Variants in HIVEP3 observed in about 807,000 individuals in gnomAD.
HIVEP3 encodes the protein transcription factor HIVEP3.
HIVEP3 carries 49 observed loss-of-function variants against 152.8 expected under a neutral mutation model. The observed-to-expected ratio is 0.32, with a 90% CI of 0.26 to 0.41. HIVEP3 has a LOEUF of 0.41. Ranked by LOEUF, HIVEP3 falls within the 10% of genes least tolerant of loss-of-function variation. The probability of loss-of-function intolerance (pLI) is 1.00; values close to 1 mark genes in which losing one functional copy is unlikely to be tolerated. For missense variants in HIVEP3, 2,790 were observed against 3,103.3 expected, an observed-to-expected ratio of 0.90 and a Z score of 2.40; for synonymous variants, 1,269 against 1,289.0, an observed-to-expected ratio of 0.98 and a Z score of 0.33.
chr1:41,526,842 C>G (rs1241531021), intron 5 of HIVEP3, among the ~76,000 whole-genome samples: 51 of 127,010 alleles, frequency 4.0e-4, no homozygotes, highest in Admixed American at 4.0e-3. Flanking sequence ...CACACCCGTT[C>G]ACACACTCAC....
At chr1:41,515,875 C>G (rs1002802777) in intron 7 of HIVEP3, among the ~76,000 whole-genome samples, 1 of 152,184 alleles carries the variant, frequency 6.6e-6, no homozygotes, top group African/African-American at 2.4e-5. Context: ...TCCCATGATA[C>G]CCTGTCCCCC....
intron 1 of HIVEP3, among the ~76,000 whole-genome samples, chr1:41,868,012 C>T (rs1218676808): frequency 6.6e-6 from 1 of 151,510 alleles, no homozygotes; most frequent in Non-Finnish European, 1.5e-5. Flanking sequence ...AAGCCACCCA[C>T]CATGGTCATC....
At chr1:41,640,778 C>T (rs1363436429) in intron 2 of HIVEP3, among the ~76,000 whole-genome samples, 1 of 152,214 alleles carries the variant, frequency 6.6e-6, no homozygotes, top group Admixed American at 6.5e-5. Flanking sequence ...CACAGTCATA[C>T]TAATGCTACG....
intron 1 of HIVEP3, among the ~76,000 whole-genome samples, chr1:41,851,154 ACTTTAC>A: frequency 6.6e-6 from 1 of 152,296 alleles, no homozygotes; most frequent in East Asian, 1.9e-4. Flanking sequence ...GAGGGCAGGA[ACTTTAC>A]CTTTCTGTCT....
chr1:41,976,786 T>G (rs1446208423), intron 1 of HIVEP3, among the ~76,000 whole-genome samples: 5 of 152,114 alleles, frequency 3.3e-5, no homozygotes, highest in African/African-American at 1.2e-4. Flanking sequence ...AGACACGCAC[T>G]CAGGGAGGAC....
At chr1:41,998,165 T>C (rs1049981281) in intron 1 of HIVEP3, among the ~76,000 whole-genome samples, 1 of 152,078 alleles carries the variant, frequency 6.6e-6, no homozygotes, top group Non-Finnish European at 1.5e-5. Flanking sequence ...AGGGGATAAA[T>C]ATAAGATTAA....
At chr1:41,884,812 C>A (rs1644318449) in intron 1 of HIVEP3, among the ~76,000 whole-genome samples, 2 of 151,700 alleles carry the variant, frequency 1.3e-5, no homozygotes, top group South Asian at 4.2e-4. Flanking sequence ...ACCCACCTGC[C>A]CCACTTGGCA....
chr1:41,859,550 A>T (rs955189305), intron 1 of HIVEP3, among the ~76,000 whole-genome samples: 2 of 152,206 alleles, frequency 1.3e-5, no homozygotes, highest in Non-Finnish European at 2.9e-5. Flanking sequence ...CTGGATTCAC[A>T]TCCTACCTCC....
In HIVEP3 at chr1:41,580,172, G is replaced by T; in HGVS notation, c.4626C>A (p.His1542Gln). The change falls in exon 4 of 9, where the codon CAC becomes CAA. Residue 1542 changes from histidine to glutamine, a missense_variant. Around this residue, in one of 9 missense-constraint regions of HIVEP3, gnomAD observed 1,078 missense variants for 1,165.3 expected, o/e 0.93. Coordinates refer to ENST00000372583, the MANE Select transcript of HIVEP3 (RefSeq NM_024503.5). ...KEYPQPSGKP[H>Q]RRGLTPLSVK... The stretch of plus-strand genomic sequence containing the variant: ...CGCTCAGTGGGGTCAACCCTCTTCG[G>T]TGAGGTTTGCCAGATGGCTGGGGAT... The T allele has an allele frequency of 6.2e-7, 1 of 1,612,904 alleles. No homozygotes were observed. The highest frequency in any genetic ancestry group is 1.1e-5 in the South Asian group (1 of 90,954).
chr1:41,599,729 T>C (rs1463787149), intron 3 of HIVEP3, among the ~76,000 whole-genome samples: 1 of 152,064 alleles, frequency 6.6e-6, no homozygotes. Flanking sequence ...AATAGATAAA[T>C]TGCCTACATC....
In HIVEP3 at chr1:41,583,388, G is replaced by T; in HGVS notation, c.1410C>A (p.Thr470=). ...TGGTGTCCACCACGGCCTCGTTGAT[G>T]GTGATGAGCTTCGTGATGTGCTCGA... is the stretch of plus-strand genomic sequence containing the variant. The part of the protein sequence containing the change: ...QVIEHITKLI[T]INEAVVDTSE... The change falls in exon 4 of 9, where the codon ACC becomes ACA. Residue 470 remains threonine, a synonymous_variant. Coordinates refer to ENST00000372583, the MANE Select transcript of HIVEP3 (RefSeq NM_024503.5). The surrounding 1 kb of genome is among the most constrained non-coding windows in gnomAD (Gnocchi z 6.9). 6.2e-7 allele frequency: 1 copy of T among 1,613,714 alleles called. No homozygotes were observed. Among genetic ancestry groups the T allele is most frequent in the South Asian group, 1.1e-5 (1 of 91,026 alleles).
chr1:41,709,067 G>C (rs1371075005), intron 1 of HIVEP3, among the ~76,000 whole-genome samples: 2 of 152,166 alleles, frequency 1.3e-5, no homozygotes, highest in Admixed American at 1.3e-4. Context: ...TTCCTCTTCT[G>C]CACCCCCTAC....
At chr1:41,787,335 T>A (rs1434066291) in intron 1 of HIVEP3, among the ~76,000 whole-genome samples, 1 of 152,132 alleles carries the variant, frequency 6.6e-6, no homozygotes, top group Non-Finnish European at 1.5e-5. Context: ...AGCTTTTAAA[T>A]GTAAATGTAA....
intron 2 of HIVEP3, among the ~76,000 whole-genome samples, chr1:41,639,406 C>T (rs901515295): frequency 2.0e-5 from 3 of 152,230 alleles, no homozygotes; most frequent in Non-Finnish European, 2.9e-5. Flanking sequence ...TCATCCATTA[C>T]TAGCTCACTT....
chr1:41,896,779 G>A (rs982428481), intron 1 of HIVEP3, among the ~76,000 whole-genome samples: 8 of 151,814 alleles, frequency 5.3e-5, no homozygotes, highest in Non-Finnish European at 8.8e-5. Context: ...TTTCACCATG[G>A]TAGCCAGGAT....
chr1:42,029,989 G>A (rs1446953666), intron 1 of HIVEP3, among the ~76,000 whole-genome samples: 1 of 152,208 alleles, frequency 6.6e-6, no homozygotes, highest in Non-Finnish European at 1.5e-5. Context: ...ACTGATGAAT[G>A]CAGAAAGCAA....
At chr1:41,761,471 A>T (rs4660571) in intron 1 of HIVEP3, among the ~76,000 whole-genome samples, 127,793 of 151,988 alleles carry the variant, frequency 0.84, 56,305 homozygotes, top group Non-Finnish European at 0.98. Context: ...CATGGGTGTG[A>T]ATGTGTATGC....
chr1:41,997,922 T>A (rs1557555475), intron 1 of HIVEP3, among the ~76,000 whole-genome samples: 1 of 152,200 alleles, frequency 6.6e-6, no homozygotes, highest in Non-Finnish European at 1.5e-5. Context: ...ATAAATTGTA[T>A]TTTTATGGTT....
chr1:41,561,717 G>A lies in HIVEP3; in HGVS notation c.5207+13827C>T, dbSNP rs139068773. On this transcript the variant is annotated intron_variant, in intron 5 of 8. Coordinates refer to ENST00000372583, the MANE Select transcript of HIVEP3 (RefSeq NM_024503.5). ...TTTTGTAGAGACAAGGCTTTACCAC[G>A]TTGCCCAGGCTGGTCTCAAACTCCT... Among the ~76,000 whole-genome samples the A allele has an allele frequency of 9.7e-3, 1,428 of 147,652 alleles. 24 individuals carry two copies. The highest frequency in any genetic ancestry group is 0.034 in the African/African-American group (1,341 of 39,868).
Sources: allele counts gnomAD v4.1 joint callset (sites outside exome capture counted in the v4.1 genomes callset), GRCh38; gene constraint gnomAD v4.1.1; regional missense constraint gnomAD v4.1.1; non-coding constraint Gnocchi (gnomAD v3.1); transcripts MANE v1.5; gene names NCBI Gene and HGNC (gene_info 2026-07-23, HGNC 2026-07-21).